Variants in CLPSL1 observed in about 807,000 individuals in gnomAD.
The protein encoded by CLPSL1 is colipase like 1.
CLPSL1 carries 13 observed loss-of-function variants against 9.3 expected under a neutral mutation model. The ratio of observed to expected loss-of-function variants is 1.40; its 90% CI spans 0.91 to 2.22. The LOEUF (loss-of-function observed/expected upper bound fraction) is 2.22, where lower values mean the gene tolerates loss of function less well. Ranked by LOEUF, CLPSL1 falls within the 30% of genes most tolerant of loss-of-function variation. CLPSL1 has a pLI of 0.00. For synonymous variants in CLPSL1, 58 were observed against 56.9 expected (o/e 1.02, Z -0.08); for missense variants, 164 against 146.6 (o/e 1.12, Z -0.61).
chr6:35,783,848 G>A (rs1286131562), intron 1 of CLPSL1, among the ~76,000 whole-genome samples: 3 of 149,798 alleles, frequency 2.0e-5, no homozygotes, highest in East Asian at 3.9e-4. Context: ...TTTGCTCAAC[G>A]TTTTTTCTGT....
downstream of CLPSL1, among the ~76,000 whole-genome samples, chr6:35,788,673 A>G (rs571418437): frequency 2.0e-5 from 3 of 152,382 alleles, no homozygotes; most frequent in African/African-American, 7.2e-5. Flanking sequence ...GAGGCAAGAG[A>G]AAAGAGGGAC....
chr6:35,783,226 T>G (rs190352344), intron 1 of CLPSL1, among the ~76,000 whole-genome samples: 1 of 152,270 alleles, frequency 6.6e-6, no homozygotes, highest in East Asian at 1.9e-4. Flanking sequence ...AAAAAAAAAT[T>G]TGGGCCAGGC....
At chr6:35,786,609 A>AG (rs1274502991) in intron 1 of CLPSL1, among the ~76,000 whole-genome samples, 2 of 152,060 alleles carry the variant, frequency 1.3e-5, no homozygotes, top group Admixed American at 1.3e-4. Context: ...TGATGTGTGT[A>AG]GGGGGAGGGG....
Position 35,786,868 on chromosome 6 carries a change from C to T in CLPSL1, c.100-130C>T, listed in dbSNP as rs372659579. On this transcript the variant is annotated intron_variant, in intron 1 of 2. Coordinates refer to ENST00000373861, the MANE Select transcript of CLPSL1 (RefSeq NM_001010886.5). ...GGCCCCCACGTAGAGACCACCCTGC[C>T]TGGCAGGAGCCAGAGGTGATGGTGG... 2,588 of 1,220,004 alleles carry T rather than the reference C, an allele frequency of 2.1e-3. 5 individuals are homozygous for T. The highest frequency in any genetic ancestry group is 0.013 in the African/African-American group (900 of 66,770). The allele number at this position is 1,220,004 out of a possible 1,614,324, so 75.6% of individuals were successfully genotyped here.
chr6:35,784,823 C>A (rs1356393360), intron 1 of CLPSL1, among the ~76,000 whole-genome samples: 1 of 152,144 alleles, frequency 6.6e-6, no homozygotes, highest in Non-Finnish European at 1.5e-5. Flanking sequence ...AGAAAGAATT[C>A]AACTGAGGGG....
At chr6:35,785,897 T>C (rs1411387890) in intron 1 of CLPSL1, among the ~76,000 whole-genome samples, 1 of 139,756 alleles carries the variant, frequency 7.2e-6, no homozygotes, top group Non-Finnish European at 1.5e-5. Flanking sequence ...TACAGTGAGC[T>C]ATAATTGCAC....
At chr6:35,788,629 C>T (rs1768135950), downstream of CLPSL1, among the ~76,000 whole-genome samples, 1 of 152,228 alleles carries the variant, frequency 6.6e-6, no homozygotes, top group African/African-American at 2.4e-5. Flanking sequence ...TTCAAGGTCA[C>T]ACAGTTGGAA....
chr6:35,784,687 C>T (rs1159488720), intron 1 of CLPSL1, among the ~76,000 whole-genome samples: 1 of 152,190 alleles, frequency 6.6e-6, no homozygotes, highest in Non-Finnish European at 1.5e-5. Flanking sequence ...ATTGTCTGAG[C>T]CCAGAGGTTC....
At chr6:35,793,425 CAAA>C (rs10642987) in intron 1 of CLPSL1, 258 of 410,744 alleles carry the variant, frequency 6.3e-4, no homozygotes, top group South Asian at 7.6e-4. Flanking sequence ...AACTCTGTCT[CAAA>C]AAAAAAAAAA....
chr6:35,787,176 G>A, intron 2 of CLPSL1, 56 bp downstream of exon 2: 1 of 1,587,428 alleles, frequency 6.3e-7, no homozygotes, highest in Non-Finnish European at 8.6e-7. Flanking sequence ...TGGGAGCCAG[G>A]GCGGGCCCAG....
At chr6:35,792,462 G>A (rs565874174), downstream of CLPSL1, among the ~76,000 whole-genome samples, 89 of 152,370 alleles carry the variant, frequency 5.8e-4, no homozygotes, top group African/African-American at 1.7e-3. Flanking sequence ...TATTGCTTTT[G>A]CACCATCATA....
At chr6:35,784,108 T>C (rs1394863165) in intron 1 of CLPSL1, among the ~76,000 whole-genome samples, 3 of 152,122 alleles carry the variant, frequency 2.0e-5, no homozygotes, top group African/African-American at 4.8e-5. Flanking sequence ...TGGGGAGACA[T>C]AATATGTCAG....
At chr6:35,791,944 G>A (rs1186901555), downstream of CLPSL1, among the ~76,000 whole-genome samples, 1 of 150,674 alleles carries the variant, frequency 6.6e-6, no homozygotes, top group Non-Finnish European at 1.5e-5. Context: ...AAATTAGCTG[G>A]ACGTGGTGGC....
At chr6:35,788,282 G>A (rs767880506), downstream of CLPSL1, 77 of 450,156 alleles carry the variant, frequency 1.7e-4, no homozygotes, top group Non-Finnish European at 2.8e-4. Context: ...TCTTTCCCCA[G>A]TTGGGGCATG....
chr6:35,781,802 G>A (rs1329558169), intron 1 of CLPSL1, among the ~76,000 whole-genome samples: 1 of 150,560 alleles, frequency 6.6e-6, no homozygotes, highest in African/African-American at 2.5e-5. Context: ...CTGGAGTGCA[G>A]TGGGGCAATC....
downstream of CLPSL1, among the ~76,000 whole-genome samples, chr6:35,788,580 CCT>C (rs146397360): frequency 0.058 from 8,751 of 151,750 alleles, 267 homozygotes; most frequent in Middle Eastern, 0.096. Context: ...CCTGTTATCA[CCT>C]CTGTTTTACA....
intron 1 of CLPSL1, among the ~76,000 whole-genome samples, chr6:35,783,017 A>G (rs1446405681): frequency 1.3e-5 from 2 of 152,206 alleles, no homozygotes; most frequent in Non-Finnish European, 2.9e-5. Flanking sequence ...TCTTGAGTTT[A>G]CATGGAAATC....
In CLPSL1 at chr6:35,782,989, C is replaced by A. The variant is rs115573404; in HGVS notation, c.99+1780C>A. On this transcript the variant is annotated intron_variant, in intron 1 of 2. Coordinates refer to ENST00000373861, the MANE Select transcript of CLPSL1 (RefSeq NM_001010886.5). ...TATAACATATGTGGTAAAAATCACA[C>A]CTTACTAGGTGCTCAGATCTTGAGT... Among the ~76,000 whole-genome samples, 1,014 of 152,186 alleles carry A rather than the reference C, an allele frequency of 6.7e-3. 13 individuals are homozygous for A. The highest frequency in any genetic ancestry group is 0.022 in the African/African-American group (930 of 41,514).
chr6:35,793,082 C>T (rs1768251965), downstream of CLPSL1, among the ~76,000 whole-genome samples: 1 of 152,236 alleles, frequency 6.6e-6, no homozygotes, highest in Non-Finnish European at 1.5e-5. Context: ...TAGTTCTAGC[C>T]ACTGAGATAT....
Sources: allele counts gnomAD v4.1 joint callset (sites outside exome capture counted in the v4.1 genomes callset), GRCh38; gene constraint gnomAD v4.1.1; transcripts MANE v1.5; gene names NCBI Gene and HGNC (gene_info 2026-07-23, HGNC 2026-07-21).